Variants in CSMD1 observed in about 807,000 individuals in gnomAD.
The protein encoded by CSMD1 is CUB and Sushi multiple domains 1, also known as CUB and sushi domain-containing protein 1.
In CSMD1, 213 loss-of-function variants were observed where a neutral mutation model predicts 417.5. The observed-to-expected ratio is 0.51, with a 90% CI of 0.46 to 0.57. The LOEUF is 0.57. Ranked by LOEUF, CSMD1 falls within the 20% of genes least tolerant of loss-of-function variation. The pLI, the probability that CSMD1 is intolerant of heterozygous loss-of-function variation, is 0.00. For synonymous variants in CSMD1, 2,862 were observed against 1,736.8 expected, an observed-to-expected ratio of 1.65 and a Z score of -16.11; for missense variants, 6,923 against 4,529.7, an observed-to-expected ratio of 1.53 and a Z score of -15.17.
At chr8:3,948,063 G>A (rs1241290390) in intron 5 of CSMD1, among the ~76,000 whole-genome samples, 1 of 152,004 alleles carries the variant, frequency 6.6e-6, no homozygotes, top group Non-Finnish European at 1.5e-5. Flanking sequence ...AAAATTATCT[G>A]GGCATGGTGG....
chr8:4,340,639 T>C (rs959666218), intron 3 of CSMD1, among the ~76,000 whole-genome samples: 3 of 152,080 alleles, frequency 2.0e-5, no homozygotes, highest in Non-Finnish European at 4.4e-5. Context: ...ATGAGCCAAG[T>C]GGAGCTTGGT....
chr8:3,782,322 T>C (rs1799226851), intron 5 of CSMD1, among the ~76,000 whole-genome samples: 1 of 152,194 alleles, frequency 6.6e-6, no homozygotes, highest in South Asian at 2.1e-4. Flanking sequence ...TGTATGATAC[T>C]GTGGCCCTAT....
intron 5 of CSMD1, among the ~76,000 whole-genome samples, chr8:3,883,623 C>T (rs2627366): frequency 0.25 from 37,844 of 151,946 alleles, 5,923 homozygotes; most frequent in African/African-American, 0.44. Flanking sequence ...CAATTAATAT[C>T]AATTATTAAA....
chr8:3,814,070 T>G (rs955709589), intron 5 of CSMD1, among the ~76,000 whole-genome samples: 2 of 152,200 alleles, frequency 1.3e-5, no homozygotes, highest in African/African-American at 4.8e-5. Flanking sequence ...CTGCAAAATG[T>G]GTTTCAAATT....
chr8:4,689,977 G>A (rs183122560), intron 1 of CSMD1, among the ~76,000 whole-genome samples: 11 of 152,254 alleles, frequency 7.2e-5, no homozygotes, highest in East Asian at 1.9e-4. Context: ...TGCCGTAAGC[G>A]TAGTGCTAAA....
At chr8:3,639,426 G>A (rs1797199498) in intron 7 of CSMD1, among the ~76,000 whole-genome samples, 1 of 152,120 alleles carries the variant, frequency 6.6e-6, no homozygotes, top group African/African-American at 2.4e-5. Flanking sequence ...AACTTATGCT[G>A]AAAAAACATC....
intron 3 of CSMD1, among the ~76,000 whole-genome samples, chr8:4,248,210 C>A (rs1802828191): frequency 6.6e-6 from 1 of 152,036 alleles, no homozygotes; most frequent in African/African-American, 2.4e-5. Context: ...CATGACATGC[C>A]ATTTCCAACA....
intron 5 of CSMD1, among the ~76,000 whole-genome samples, chr8:3,924,254 G>C (rs950188177): frequency 6.6e-6 from 1 of 152,240 alleles, no homozygotes; most frequent in East Asian, 1.9e-4. Flanking sequence ...TGTTCTTGTA[G>C]GGATACCTTA....
chr8:3,137,252 C>T (rs1349012077), intron 41 of CSMD1, among the ~76,000 whole-genome samples: 2 of 152,200 alleles, frequency 1.3e-5, no homozygotes, highest in Non-Finnish European at 2.9e-5. Context: ...CTAGCAATAT[C>T]CGCAATGCGT....
intron 1 of CSMD1, among the ~76,000 whole-genome samples, chr8:4,724,836 G>C (rs1809318315): frequency 6.6e-6 from 1 of 152,008 alleles, no homozygotes. Context: ...TAGCCTGTAT[G>C]TTTAAATTTG....
chr8:4,291,872 C>T (rs537916329), intron 3 of CSMD1, among the ~76,000 whole-genome samples: 2 of 152,124 alleles, frequency 1.3e-5, no homozygotes, highest in South Asian at 4.2e-4. Flanking sequence ...TTAGAAGTTT[C>T]CTTTCAGGTG....
chr8:3,176,782 C>CT (rs35353241), intron 37 of CSMD1, among the ~76,000 whole-genome samples: 62,794 of 146,066 alleles, frequency 0.43, 13,552 homozygotes, highest in South Asian at 0.54. Flanking sequence ...CTTTTTCTTT[C>CT]TTTTTTTTTT....
At chr8:3,919,423 G>A (rs1809070938) in intron 5 of CSMD1, among the ~76,000 whole-genome samples, 1 of 151,922 alleles carries the variant, frequency 6.6e-6, no homozygotes, top group South Asian at 2.1e-4. Flanking sequence ...TTTTTGGCAT[G>A]TTTTTTGGTT....
At chr8:4,201,940 C>T (rs1254527998) in intron 3 of CSMD1, among the ~76,000 whole-genome samples, 1 of 150,394 alleles carries the variant, frequency 6.6e-6, no homozygotes, top group Non-Finnish European at 1.5e-5. Flanking sequence ...TTTATTCAAG[C>T]CAACCACAAA....
chr8:3,726,477 G>A (rs1027623228), intron 6 of CSMD1, among the ~76,000 whole-genome samples: 1 of 152,060 alleles, frequency 6.6e-6, no homozygotes, highest in Non-Finnish European at 1.5e-5. Flanking sequence ...AGCCAGATGG[G>A]ATGCTTTAAA....
intron 1 of CSMD1, among the ~76,000 whole-genome samples, chr8:4,889,375 A>G (rs1420972565): frequency 6.6e-6 from 1 of 152,158 alleles, no homozygotes; most frequent in African/African-American, 2.4e-5. Context: ...AAGATAAGGA[A>G]GACTGAGAAA....
chr8:3,891,550 G>C (rs1312782173), intron 5 of CSMD1, among the ~76,000 whole-genome samples: 1 of 152,054 alleles, frequency 6.6e-6, no homozygotes, highest in Non-Finnish European at 1.5e-5. Context: ...AATAGTGGGG[G>C]TGTACACCTG....
In CSMD1 at chr8:3,256,085, TG is replaced by T. The variant is rs555398215; in HGVS notation, c.4154-25855del. ...GCTCACACCTGTAATCCCAGGACTT[TG>T]GGGGGCTGAGGCAGACCAATCACCT... On this transcript the variant is annotated intron_variant, in intron 26 of 69. Coordinates refer to ENST00000635120, the MANE Select transcript of CSMD1 (RefSeq NM_033225.6). Among the ~76,000 whole-genome samples the T allele has an allele frequency of 3.6e-3, 543 of 152,090 alleles. 4 individuals carry two copies. The highest frequency in any genetic ancestry group is 6.2e-3 in the Non-Finnish European group (422 of 67,976).
chr8:3,152,617 T>C (rs1047924896), intron 39 of CSMD1, among the ~76,000 whole-genome samples: 10 of 152,208 alleles, frequency 6.6e-5, no homozygotes, highest in African/African-American at 2.4e-4. Flanking sequence ...CAGGGCACCA[T>C]ATTCTGGATT....
Sources: gnomAD v4.1 joint callset for allele counts (sites outside exome capture counted in the v4.1 genomes callset) on GRCh38, gnomAD v4.1.1 for gene constraint, MANE v1.5 for transcripts, NCBI Gene and HGNC (gene_info 2026-07-23, HGNC 2026-07-21) for gene names.